The following IGF1 variants were observed in gnomAD, a reference collection of about 807,000 sequenced individuals.
IGF1 encodes insulin like growth factor 1.
A neutral mutation model predicts 13.8 loss-of-function variants in IGF1; 4 were observed. The observed-to-expected ratio is 0.29, with a 90% CI of 0.14 to 0.66. The LOEUF (loss-of-function observed/expected upper bound fraction) is 0.66. Among genes scored for constraint, IGF1 ranks in the 30% least tolerant of loss-of-function variants. The pLI is 0.78. For missense variants in IGF1, 124 were observed against 188.5 expected (o/e 0.66, Z 2.00); for synonymous variants, 76 against 72.6 (o/e 1.05, Z -0.23).
chr12:102,451,866 C>T (rs970393173), intron 2 of IGF1, among the ~76,000 whole-genome samples: 2 of 151,994 alleles, frequency 1.3e-5, no homozygotes, highest in African/African-American at 4.8e-5. Flanking sequence ...GGGGTGGTTT[C>T]CCCCATGCTG....
chr12:102,450,547 C>G (rs573517596), intron 2 of IGF1, among the ~76,000 whole-genome samples: 1 of 152,330 alleles, frequency 6.6e-6, no homozygotes, highest in South Asian at 2.1e-4. Context: ...TCAATCTCTT[C>G]TTCGCCTTCC....
intron 3 of IGF1, among the ~76,000 whole-genome samples, chr12:102,404,071 T>C (rs1265556169): frequency 2.6e-5 from 4 of 152,230 alleles, no homozygotes; most frequent in South Asian, 4.1e-4. Flanking sequence ...GGCATTTATA[T>C]GCATAAACCT....
chr12:102,479,089 C>CTTTTTT (rs1881250440), intron 1 of IGF1, among the ~76,000 whole-genome samples: 1 of 152,218 alleles, frequency 6.6e-6, no homozygotes, highest in African/African-American at 2.4e-5. Flanking sequence ...TCCACAGCCT[C>CTTTTTT]TTTTATGATC....
chr12:102,414,626 G>A (rs1177311155), intron 3 of IGF1, among the ~76,000 whole-genome samples: 1 of 152,042 alleles, frequency 6.6e-6, no homozygotes, highest in East Asian at 1.9e-4. Flanking sequence ...GTTTCGCTAT[G>A]TTGCCCAGGC....
In IGF1 at chr12:102,444,403, A is replaced by G. The variant is rs1158609812; in HGVS notation, c.221-24713T>C. Among the ~76,000 whole-genome samples the G allele has an allele frequency of 5.3e-5, 8 of 152,166 alleles. No individual in the cohort carries two copies. In the East Asian group the frequency reaches 1.2e-3, roughly 22 times the overall value. ...TTTGTATTGACAATACTAGACTGCA[A>G]CAGGAGAGTTAGGATCAGGAAATGA... is the stretch of plus-strand genomic sequence containing the variant. On this transcript the variant is annotated intron_variant, in intron 2 of 3. Coordinates refer to ENST00000337514, the MANE Select transcript of IGF1 (RefSeq NM_000618.5).
chr12:102,409,391 T>G (rs1350984846), intron 3 of IGF1, among the ~76,000 whole-genome samples: 1 of 152,158 alleles, frequency 6.6e-6, no homozygotes, highest in Non-Finnish European at 1.5e-5. Context: ...CACTTCTATA[T>G]CCTCTCCAGA....
intron 3 of IGF1, among the ~76,000 whole-genome samples, chr12:102,413,133 A>C (rs2136973075): frequency 6.6e-6 from 1 of 152,348 alleles, no homozygotes; most frequent in South Asian, 2.1e-4. Context: ...TGAGGTGAGC[A>C]TACAAACTGG....
At chr12:102,415,093 G>A (rs748466228) in intron 3 of IGF1, among the ~76,000 whole-genome samples, 1 of 152,198 alleles carries the variant, frequency 6.6e-6, no homozygotes, top group Non-Finnish European at 1.5e-5. Context: ...ACTTGTATAA[G>A]CATAGCTCCT....
At chr12:102,448,568 T>G (rs12820619) in intron 2 of IGF1, among the ~76,000 whole-genome samples, 1 of 139,796 alleles carries the variant, frequency 7.2e-6, no homozygotes. Context: ...AGGGATAGCA[T>G]TGGGAGATAT....
intron 2 of IGF1, among the ~76,000 whole-genome samples, chr12:102,455,282 G>A (rs1422832622): frequency 1.3e-5 from 2 of 152,244 alleles, no homozygotes; most frequent in African/African-American, 4.8e-5. Context: ...ATGGCTGCAA[G>A]TTGCACAACA....
intron 3 of IGF1, chr12:102,415,587 C>CTTCCTTCCTTCA: frequency 6.8e-6 from 1 of 147,936 alleles, no homozygotes; most frequent in Non-Finnish European, 1.5e-5. Flanking sequence ...TCCTTCCTTC[C>CTTCCTTCCTTCA]TTCCTTCCTT....
rs1462342660 is a variant in IGF1 at position 102,396,161 on chromosome 12, G to A, written c.*6346C>T. On this transcript the variant is annotated 3_prime_UTR_variant, in exon 4 of 4. Coordinates refer to ENST00000337514, the MANE Select transcript of IGF1 (RefSeq NM_000618.5). ...TTATTTTCTGGTTTCAAAGTAGCAG[G>A]GGAAATTAATTCAGTGTCTGTAAGT... 1 of 152,132 alleles carries A rather than the reference G, an allele frequency of 6.6e-6. No homozygotes were observed. Among genetic ancestry groups the A allele is most frequent in the African/African-American group, 2.4e-5 (1 of 41,432 alleles). 9.4% of individuals were successfully genotyped at this position (152,132 alleles called of 1,614,324 possible). A position where few individuals can be genotyped will look rare whatever the true frequency, so the allele number is the denominator to read the frequency against.
rs1260610491 is a variant in IGF1, at chr12:102,401,874, CTAAAA to C, written c.*628_*632del. 6.6e-6 allele frequency: 1 copy of C among 152,556 alleles called. No homozygotes were observed. The highest frequency in any genetic ancestry group is 1.9e-4 in the East Asian group (1 of 5,204). 9.5% of individuals were successfully genotyped at this position (152,556 alleles called of 1,614,324 possible). On this transcript the variant is annotated 3_prime_UTR_variant, in exon 4 of 4. Transcript: ENST00000337514. ...GATGTGGAAAAATAAAGCTTTGTGT[CTAAAA>C]TAAAATGCATCCAACTTATATTTGG...
intron 3 of IGF1, among the ~76,000 whole-genome samples, chr12:102,414,362 A>G (rs1874902330): frequency 1.3e-5 from 2 of 152,166 alleles, no homozygotes; most frequent in South Asian, 4.1e-4. Flanking sequence ...CCAAGATTTG[A>G]ACCCAGGTAG....
intron 3 of IGF1, among the ~76,000 whole-genome samples, chr12:102,405,076 GCTTT>G (rs34097393): frequency 3.6e-4 from 53 of 146,380 alleles, no homozygotes; most frequent in South Asian, 1.1e-3. Context: ...ATTGGGTTCT[GCTTT>G]CTTTCTTTCT....
At chr12:102,429,444 C>T (rs1876538668) in intron 2 of IGF1, among the ~76,000 whole-genome samples, 1 of 152,048 alleles carries the variant, frequency 6.6e-6, no homozygotes. Flanking sequence ...GTTTTTTAGC[C>T]ATTGCACTCC....
intron 1 of IGF1, among the ~76,000 whole-genome samples, chr12:102,478,906 C>T (rs1027066015): frequency 2.0e-5 from 3 of 152,274 alleles, no homozygotes; most frequent in Non-Finnish European, 2.9e-5. Flanking sequence ...CACCTTTACC[C>T]ACTGAATTAC....
chr12:102,437,551 T>C (rs191019474), intron 2 of IGF1, among the ~76,000 whole-genome samples: 9 of 152,358 alleles, frequency 5.9e-5, no homozygotes, highest in Non-Finnish European at 1.0e-4. Context: ...ATCTCACTTG[T>C]ATATGGAATC....
At chr12:102,413,110 G>A (rs987993107) in intron 3 of IGF1, among the ~76,000 whole-genome samples, 9 of 152,178 alleles carry the variant, frequency 5.9e-5, no homozygotes. Context: ...ATCAGTAACT[G>A]GGCTTTAAGT....
Sources: gnomAD v4.1 joint callset for allele counts (sites outside exome capture counted in the v4.1 genomes callset) on GRCh38, gnomAD v4.1.1 for gene constraint, MANE v1.5 for transcripts, NCBI Gene and HGNC (gene_info 2026-07-23, HGNC 2026-07-21) for gene names.